Variants in OCEL1 observed in about 807,000 individuals in gnomAD.
The protein encoded by OCEL1 is occludin/ELL domain-containing protein 1.
A neutral mutation model predicts 29.4 loss-of-function variants in OCEL1; 24 were observed. The observed-to-expected ratio is 0.82, with a 90% confidence interval of 0.59 to 1.15. The LOEUF (loss-of-function observed/expected upper bound fraction) is 1.15, where lower values mean the gene tolerates loss of function less well. OCEL1 is among the 50% of genes most tolerant of loss of function. The probability of loss-of-function intolerance (pLI) is 0.00; values close to 1 mark genes in which losing one functional copy is unlikely to be tolerated. For synonymous variants in OCEL1, 172 were observed against 145.3 expected (o/e 1.18, Z -1.32); for missense variants, 402 against 352.5 (o/e 1.14, Z -1.13).
rs771843085 is a variant in OCEL1 at position 17,228,984 on chromosome 19, T to C, written c.*59T>C. 6.3e-7 allele frequency: 1 copy of C among 1,575,184 alleles called. No individual in the cohort carries two copies. Among genetic ancestry groups the C allele is most frequent in the African/African-American group, 1.4e-5 (1 of 74,060 alleles). ...GATGCAGGTCCCTTGCATTTCTTGGTATCTCTCAGCTTTTCCTCTTGCAGC... is the reference window on the plus strand; with the variant it reads ...GATGCAGGTCCCTTGCATTTCTTGGCATCTCTCAGCTTTTCCTCTTGCAGC... On this transcript the variant is annotated 3_prime_UTR_variant, in exon 6 of 6. Transcript: ENST00000215061.
intron 1 of OCEL1, 134 bp from the exon 2 acceptor site, chr19:17,226,559 C>T: frequency 9.6e-7 from 1 of 1,047,094 alleles, no homozygotes; most frequent in Non-Finnish European, 1.3e-6. Flanking sequence ...TCGCGTGCGT[C>T]TATGCAAATA....
chr19:17,228,974 C>T lies in OCEL1; in HGVS notation c.*49C>T. 1 of 1,584,860 alleles carries T rather than the reference C, an allele frequency of 6.3e-7. No individual in the cohort carries two copies. Among genetic ancestry groups the T allele is most frequent in the African/African-American group, 1.3e-5 (1 of 74,436 alleles). On this transcript the variant is annotated 3_prime_UTR_variant, in exon 6 of 6. Coordinates refer to ENST00000215061, the MANE Select transcript of OCEL1 (RefSeq NM_024578.3). ...GATGCATGGGGATGCAGGTCCCTTGCATTTCTTGGTATCTCTCAGCTTTTC... is the reference window on the plus strand; with the variant it reads ...GATGCATGGGGATGCAGGTCCCTTGTATTTCTTGGTATCTCTCAGCTTTTC...
intron 5 of OCEL1, 74 bp downstream of exon 5, chr19:17,228,383 TC>T (rs2073382024): frequency 6.9e-7 from 1 of 1,439,816 alleles, no homozygotes; most frequent in Non-Finnish European, 9.5e-7. Flanking sequence ...GTGCCCAGTT[TC>T]TTTTTTTTTT....
At position 17,226,726 on chromosome 19, in the gene OCEL1, C is replaced by T; in HGVS notation, c.103C>T (p.His35Tyr). 6.5e-7 allele frequency: 1 copy of T among 1,535,466 alleles called. No homozygotes were observed. The highest frequency in any genetic ancestry group is 8.7e-7 in the Non-Finnish European group (1 of 1,148,796). Residue 35 changes from histidine to tyrosine, a missense_variant, in exon 2 of 6, where the codon CAC becomes TAC. Transcript: ENST00000215061. ...CAGACCACCCCCGCCGCGCGCGGGACACGACGCCCCCCGCAGGACCCGCCC... is the reference window on the plus strand; with the variant it reads ...CAGACCACCCCCGCCGCGCGCGGGATACGACGCCCCCCGCAGGACCCGCCC... ...ARRPPPPRAG[H>Y]DAPRRTRPSA...
Position 17,229,186 on chromosome 19 carries a change from C to T in OCEL1, c.*261C>T, listed in dbSNP as rs2073391337. 1 of 329,522 alleles carries T rather than the reference C, an allele frequency of 3.0e-6. No homozygotes were observed. 20.4% of individuals were successfully genotyped at this position (329,522 alleles called of 1,614,324 possible). A position where few individuals can be genotyped will look rare whatever the true frequency, so the allele number is the denominator to read the frequency against. Reference sequence around the variant, plus strand: ...TTCCCTGGAAGTAGGGCCTGCTCTCCATCCCAGTGAAATAAACATGTATTA... The same window carrying T: ...TTCCCTGGAAGTAGGGCCTGCTCTCTATCCCAGTGAAATAAACATGTATTA... On this transcript the variant is annotated 3_prime_UTR_variant, in exon 6 of 6. Coordinates refer to ENST00000215061, the MANE Select transcript of OCEL1 (RefSeq NM_024578.3).
At chr19:17,226,627 A>G (rs1324697495) in intron 1 of OCEL1, 66 bp from the exon 2 acceptor site, 15 of 1,402,128 alleles carry the variant, frequency 1.1e-5, no homozygotes, top group Non-Finnish European at 1.4e-5. Context: ...TCTTCGGCCG[A>G]GCTGCCCGCG....
At chr19:17,228,085 A>G (rs2073378690) in intron 4 of OCEL1, 80 bp downstream of exon 4, 1 of 1,565,284 alleles carries the variant, frequency 6.4e-7, no homozygotes, top group African/African-American at 1.4e-5. Context: ...CACTGGGTCC[A>G]GATTTCCAGG....
Position 17,227,010 on chromosome 19 carries a change from C to A in OCEL1, c.263C>A (p.Pro88His). ...GPGPPLQGLA[P>H]RGLKTSAPRP... ...CTGTGGCAGCTGCAGGGACTGGCGC[C>A]CCGAGGCCTCAAAACCAGCGCCCCC... is the stretch of plus-strand genomic sequence containing the variant. Residue 88 changes from proline to histidine, a missense_variant, in exon 3 of 6, where the codon CCC becomes CAC. Transcript: ENST00000215061. The A allele has an allele frequency of 6.3e-6, 10 of 1,588,574 alleles. No individual in the cohort carries two copies. Among genetic ancestry groups the A allele is most frequent in the Non-Finnish European group, 8.5e-6 (10 of 1,172,208 alleles).
At position 17,228,887 on chromosome 19, in the gene OCEL1, G is replaced by A. The variant is rs142863081; in HGVS notation, c.757G>A (p.Asp253Asn). ...TCTCAAGACTCAGATCCAGAAATTC[G>A]ATGACCAAGGAGACAGCGAGGGCTC... The part of the protein sequence containing the change: ...RHLKTQIQKF[D>N]DQGDSEGSVY... The change falls in exon 6 of 6, where the codon GAT becomes AAT. Residue 253 changes from aspartate to asparagine, a missense_variant. Transcript: ENST00000215061. 774 of 1,613,662 alleles carry A rather than the reference G, an allele frequency of 4.8e-4. 3 individuals are homozygous for A. The African/African-American group carries it at 6.8e-3, about 14-fold the overall frequency.
At chr19:17,228,722 A>C in intron 5 of OCEL1, 81 bp from the exon 6 acceptor site, 3 of 1,542,516 alleles carry the variant, frequency 1.9e-6, no homozygotes, top group Non-Finnish European at 2.6e-6. Context: ...TGAGGCTCGG[A>C]GAATGAAAGG....
Position 17,228,950 on chromosome 19 carries a change from A to T in OCEL1, c.*25A>T. 6.2e-7 allele frequency: 1 copy of T among 1,603,498 alleles called. No homozygotes were observed. Among genetic ancestry groups the T allele is most frequent in the Non-Finnish European group, 8.5e-7 (1 of 1,174,854 alleles). ...AGTGCCCCTGCAGATGGGCAGAGGG[A>T]TGCATGGGGATGCAGGTCCCTTGCA... On this transcript the variant is annotated 3_prime_UTR_variant, in exon 6 of 6. Transcript: ENST00000215061.
intron 1 of OCEL1, 103 bp from the exon 2 acceptor site, chr19:17,226,590 T>G: frequency 7.9e-7 from 1 of 1,270,690 alleles, no homozygotes; most frequent in Non-Finnish European, 1.0e-6. Flanking sequence ...TGGGGAACTC[T>G]GCTCCCGCGG....
rs2073378733 is a variant in OCEL1 at position 17,228,090 on chromosome 19, T to G, written c.618+85T>G. 1.9e-6 allele frequency: 3 copies of G among 1,562,350 alleles called. No individual in the cohort carries two copies. The Admixed American group carries it at 5.5e-5, about 29-fold the overall frequency. ...CTGGGACACCCACTGGGTCCAGATT[T>G]CCAGGACTCTTTCTCCTCTCGGTTG... On this transcript the variant is annotated intron_variant, in intron 4 of 5. Transcript: ENST00000215061.
At chr19:17,228,399 CTTTT>C (rs777970788) in intron 5 of OCEL1, 90 bp downstream of exon 5, 35 of 1,345,080 alleles carry the variant, frequency 2.6e-5, no homozygotes, top group East Asian at 4.7e-5. Context: ...TTTTTTCTTT[CTTTT>C]GAGACAGAAT....
Position 17,227,025 on chromosome 19 carries a change from C to G in OCEL1, c.278C>G (p.Thr93Ser). Residue 93 changes from threonine to serine, a missense_variant, in exon 3 of 6, where the codon ACC becomes AGC. Thr to Ser is a moderately conservative substitution (Grantham distance 58). Transcript: ENST00000215061. ...LQGLAPRGLKTSAPRPPCQPQ... is the reference protein window; with the variant it reads ...LQGLAPRGLKSSAPRPPCQPQ... ...GGACTGGCGCCCCGAGGCCTCAAAA[C>G]CAGCGCCCCCCGCCCTCCGTGCCAG... The G allele has an allele frequency of 1.4e-5, 22 of 1,597,038 alleles. No individual in the cohort carries two copies. Among genetic ancestry groups the G allele is most frequent in the Non-Finnish European group, 1.8e-5 (21 of 1,175,308 alleles).
intron 3 of OCEL1, 21 bp from the exon 4 acceptor site, chr19:17,227,819 T>G (rs1258337903): frequency 4.3e-6 from 7 of 1,612,034 alleles, no homozygotes; most frequent in African/African-American, 1.3e-5. Flanking sequence ...ACTCACACTC[T>G]GACCCTCTTC....
In OCEL1 at chr19:17,227,320, A is replaced by G. The variant is rs986167862; in HGVS notation, c.452+121A>G. ...GAAAGGAAAGGATCCCTTGCTGATC[A>G]GTAGTGGGATTGTCCCTGTGAATAA... On this transcript the variant is annotated intron_variant, in intron 3 of 5. Coordinates refer to ENST00000215061, the MANE Select transcript of OCEL1 (RefSeq NM_024578.3). The G allele has an allele frequency of 4.5e-6, 4 of 896,280 alleles. No homozygotes were observed. The Admixed American group carries it at 1.5e-4, about 34-fold the overall frequency. 55.5% of individuals were successfully genotyped at this position (896,280 alleles called of 1,614,324 possible). A position where few individuals can be genotyped will look rare whatever the true frequency, so the allele number is the denominator to read the frequency against.
chr19:17,226,556 C>A, intron 1 of OCEL1, 137 bp from the exon 2 acceptor site: 1 of 1,021,984 alleles, frequency 9.8e-7, no homozygotes, highest in Non-Finnish European at 1.4e-6. Context: ...CAATCGCGTG[C>A]GTCTATGCAA....
In OCEL1 at chr19:17,226,369, C is replaced by T. The variant is rs1393434012; in HGVS notation, c.69+53C>T. On this transcript the variant is annotated intron_variant, in intron 1 of 5. Transcript: ENST00000215061. ...GGCCTTGCAGGTGGGGCGGAGGTCC[C>T]GAGGAGCTCCTCGGGCGCGGTCGTC... is the stretch of plus-strand genomic sequence containing the variant. 18 of 1,584,180 alleles carry T rather than the reference C, an allele frequency of 1.1e-5. No homozygotes were observed. In the East Asian group the frequency reaches 3.7e-4, roughly 32 times the overall value.
Sources: gnomAD v4.1 joint callset for allele counts on GRCh38, gnomAD v4.1.1 for gene constraint, MANE v1.5 for transcripts, NCBI Gene and HGNC (gene_info 2026-07-23, HGNC 2026-07-21) for gene names.